MKNK2: variants seen among roughly 807,000 people sequenced by gnomAD.
MKNK2 encodes the protein MAP kinase-interacting serine/threonine-protein kinase 2.
MKNK2 carries 54 observed loss-of-function variants against 55.0 expected under a neutral mutation model. That is an observed-to-expected ratio of 0.98 (90% CI 0.79 to 1.23). MKNK2 has a LOEUF of 1.23. Among genes scored for constraint, MKNK2 ranks in the 50% most tolerant of loss-of-function variants. The pLI is 0.00. For synonymous variants in MKNK2, 323 were observed against 256.0 expected (o/e 1.26, Z -2.50); for missense variants, 685 against 632.1 (o/e 1.08, Z -0.90).
rs187842938 is a variant in MKNK2 at position 2,046,192 on chromosome 19, G to A, written c.333C>T (p.Ala111=). ...GGGCGCGGCGCGGGCCCACCTTGAC[G>A]GCGTACTCCTGGCTGGTGATCAGGT... ...CINLITSQEY[A]VKIIEKQPGH... is the part of the protein sequence containing the mutation. The change falls in exon 5 of 14, where the codon GCC becomes GCT. Residue 111 remains alanine (A), a synonymous_variant. Transcript: ENST00000250896. 140 of 1,608,488 alleles carry A rather than the reference G, an allele frequency of 8.7e-5. No homozygotes were observed. The East Asian group carries it at 1.7e-3, about 20-fold the overall frequency.
chr19:2,050,309 C>T (rs2017087097), intron 2 of MKNK2, among the ~76,000 whole-genome samples: 1 of 152,230 alleles, frequency 6.6e-6, no homozygotes, highest in Admixed American at 6.5e-5. Context: ...ACCTGACCAG[C>T]CCGGCCTGGG....
At chr19:2,049,174 G>A (rs914863513) in intron 2 of MKNK2, among the ~76,000 whole-genome samples, 7 of 152,196 alleles carry the variant, frequency 4.6e-5, no homozygotes, top group East Asian at 3.8e-4. Flanking sequence ...GAGACTCCGC[G>A]GCCTCCTCGC....
intron 5 of MKNK2, among the ~76,000 whole-genome samples, chr19:2,045,829 G>T (rs1044151595): frequency 3.9e-5 from 6 of 152,190 alleles, no homozygotes; most frequent in Non-Finnish European, 7.4e-5. Context: ...GTGACACAGG[G>T]GGCTCTCACG....
At position 2,039,231 on chromosome 19, in the gene MKNK2, G is replaced by A. The variant is rs1327243264; in HGVS notation, c.*382C>T. 1 of 1,075,124 alleles carries A rather than the reference G, an allele frequency of 9.3e-7. No homozygotes were observed. Among genetic ancestry groups the A allele is most frequent in the Non-Finnish European group, 1.1e-6 (1 of 884,586 alleles). The allele number at this position is 1,075,124 out of a possible 1,614,324, so 66.6% of individuals were successfully genotyped here. A position where few individuals can be genotyped will look rare whatever the true frequency, so the allele number is the denominator to read the frequency against. On this transcript the variant is annotated 3_prime_UTR_variant, in exon 14 of 14. Coordinates refer to ENST00000250896, the MANE Select transcript of MKNK2 (RefSeq NM_199054.3). Reference sequence around the variant, plus strand: ...CTCTGCAAGATGGCAAACGCTGTGGGCCTGCTCTCCTGAGTCACTGCAAGC... The same window carrying A: ...CTCTGCAAGATGGCAAACGCTGTGGACCTGCTCTCCTGAGTCACTGCAAGC...
chr19:2,050,955 C>G lies in MKNK2; in HGVS notation c.-96-8G>C. The G allele has an allele frequency of 1.4e-6, 1 of 727,066 alleles. No homozygotes were observed. The highest frequency in any genetic ancestry group is 1.9e-5 in the African/African-American group (1 of 52,770). 45.0% of individuals were successfully genotyped at this position (727,066 alleles called of 1,614,324 possible). ...GCGGCCGAGGAGGGGACCCTGCGGG[C>G]GGGAGCAGACAAAGGGAGGGCGGTG... On this transcript the variant is annotated splice_polypyrimidine_tract_variant and splice_region_variant and intron_variant, in intron 1 of 13. Coordinates refer to ENST00000250896, the MANE Select transcript of MKNK2 (RefSeq NM_199054.3).
At chr19:2,047,059 C>G (rs1349374750) in intron 2 of MKNK2, among the ~76,000 whole-genome samples, 1 of 152,208 alleles carries the variant, frequency 6.6e-6, no homozygotes, top group Non-Finnish European at 1.5e-5. Context: ...CTTGGCCTCC[C>G]AAAGTGCTGG....
chr19:2,039,135 G>GGAAGA lies in MKNK2; in HGVS notation c.*473_*477dup. 1.0e-6 allele frequency: 1 copy of GGAAGA among 991,796 alleles called. No homozygotes were observed. The highest frequency in any genetic ancestry group is 1.2e-6 in the Non-Finnish European group (1 of 833,674). The allele number at this position is 991,796 out of a possible 1,614,324, so 61.4% of individuals were successfully genotyped here. A position where few individuals can be genotyped will look rare whatever the true frequency, so the allele number is the denominator to read the frequency against. On this transcript the variant is annotated 3_prime_UTR_variant, in exon 14 of 14. Coordinates refer to ENST00000250896, the MANE Select transcript of MKNK2 (RefSeq NM_199054.3). ...GTGCTCTCAGGGTGAGGGATAGAGG[G>GGAAGA]GAAGAGCCTGTCCCTGAAATACTGC...
At position 2,039,688 on chromosome 19, in the gene MKNK2, C is replaced by G. The variant is rs2016832189; in HGVS notation, c.1323G>C (p.Gln441His). The change falls in exon 14 of 14, where the codon CAG becomes CAC. Residue 441 changes from glutamine to histidine, a missense_variant. Transcript: ENST00000250896. ...TTTGCCGCCGCTGCGCCAGCTTGGA[C>G]TGGGAGGGTGGAGACAGCTGCAGGC... ...SRCLQLSPPS[Q>H]SKLAQRRQRA... 6.2e-7 allele frequency: 1 copy of G among 1,613,070 alleles called. No individual in the cohort carries two copies. The highest frequency in any genetic ancestry group is 1.3e-5 in the African/African-American group (1 of 74,950).
Position 2,039,085 on chromosome 19 carries a change from C to A in MKNK2, c.*528G>T. The A allele has an allele frequency of 1.0e-6, 1 of 987,062 alleles. No homozygotes were observed. The highest frequency in any genetic ancestry group is 1.2e-6 in the Non-Finnish European group (1 of 830,772). 61.1% of individuals were successfully genotyped at this position (987,062 alleles called of 1,614,324 possible). On this transcript the variant is annotated 3_prime_UTR_variant, in exon 14 of 14. Coordinates refer to ENST00000250896, the MANE Select transcript of MKNK2 (RefSeq NM_199054.3). ...ACACCTCCAGAGACAGGCAGCCCCT[C>A]CCTTCCCCAACCAAGCCACCAGGGG...
In MKNK2 at chr19:2,038,115, G is replaced by GAA; in HGVS notation, c.*1497_*1498insTT. ...AAGGCAGAGCACCCCCACGGCCACC[G>GAA]GACTGTGACCATCATACGAGATTCA... On this transcript the variant is annotated 3_prime_UTR_variant, in exon 14 of 14. Transcript: ENST00000250896. The GAA allele has an allele frequency of 9.1e-7, 1 of 1,095,870 alleles. No individual in the cohort carries two copies. Among genetic ancestry groups the GAA allele is most frequent in the South Asian group, 3.9e-5 (1 of 25,904 alleles). 67.9% of individuals were successfully genotyped at this position (1,095,870 alleles called of 1,614,324 possible).
At chr19:2,050,181 G>T (rs955635643) in intron 2 of MKNK2, among the ~76,000 whole-genome samples, 1 of 152,146 alleles carries the variant, frequency 6.6e-6, no homozygotes, top group South Asian at 2.1e-4. Flanking sequence ...CCCGGGCTGC[G>T]CAGAAACTTC....
chr19:2,044,936 G>A (rs768208730), intron 5 of MKNK2, among the ~76,000 whole-genome samples: 12 of 152,148 alleles, frequency 7.9e-5, no homozygotes, highest in Non-Finnish European at 1.5e-4. Context: ...ACGGCACCAG[G>A]TGACCCCAGG....
Position 2,042,461 on chromosome 19 carries a change from C to T in MKNK2, c.716G>A (p.Cys239Tyr). ...CAGCTCCGGGGTGGAGATAGGGGAG[C>T]AGTCCCCGTTGAGTTTGATGCCGCT... Reference protein sequence around the residue: ...LGSGIKLNGDCSPISTPELLT... With the variant: ...LGSGIKLNGDYSPISTPELLT... The change falls in exon 10 of 14, where the codon TGC becomes TAC. Residue 239 changes from cysteine to tyrosine, a missense_variant. Physicochemically the swap from Cys to Tyr is radical, Grantham distance 194. Transcript: ENST00000250896. 1.3e-6 allele frequency: 2 copies of T among 1,592,058 alleles called. No homozygotes were observed. The highest frequency in any genetic ancestry group is 1.7e-6 in the Non-Finnish European group (2 of 1,170,950).
Position 2,043,575 on chromosome 19 carries a change from T to C in MKNK2, c.347A>G (p.Glu116Gly), listed in dbSNP as rs1408835472. 6.2e-7 allele frequency: 1 copy of C among 1,614,014 alleles called. No homozygotes were observed. The highest frequency in any genetic ancestry group is 8.5e-7 in the Non-Finnish European group (1 of 1,179,966). ...GCTCCGAATGTGGCCTGGCTGCTTC[T>C]CAATGATCTGAAACAGGCGAAAGGA... ...TSQEYAVKII[E>G]KQPGHIRSRV... The change falls in exon 6 of 14, where the codon GAG becomes GGG. Residue 116 changes from glutamate to glycine, a missense_variant. Coordinates refer to ENST00000250896, the MANE Select transcript of MKNK2 (RefSeq NM_199054.3).
At position 2,041,109 on chromosome 19, in the gene MKNK2, C is replaced by G; in HGVS notation, c.1041G>C (p.Lys347Asn). The G allele has an allele frequency of 4.3e-6, 7 of 1,614,084 alleles. No individual in the cohort carries two copies. The South Asian group carries it at 7.7e-5, about 18-fold the overall frequency. The change falls in exon 12 of 14, where the codon AAG becomes AAC. Residue 347 changes from lysine (K) to asparagine (N), a missense_variant. By Grantham distance (94) the Lys-to-Asn change is moderately conservative (BLOSUM62 0). Transcript: ENST00000250896. The part of the protein sequence containing the change: ...ISCAAKDLIS[K>N]LLVRDAKQRL... ...TCTGCTTGGCGTCACGGACCAGCAGCTTGGAGATGAGGTCTTTGGCAGCGC... is the reference window on the plus strand; with the variant it reads ...TCTGCTTGGCGTCACGGACCAGCAGGTTGGAGATGAGGTCTTTGGCAGCGC...
Position 2,043,975 on chromosome 19 carries a change from C to CAAAAA in MKNK2, c.340-398_340-394dup, listed in dbSNP as rs34533507. ...CTGGTGACAGAGTGAGACTTCGCCTCAAAAAAAAAAAAAAAAAAAAAAAAA... is the reference window on the plus strand; with the variant it reads ...CTGGTGACAGAGTGAGACTTCGCCTCAAAAAAAAAAAAAAAAAAAAAAAAAAAAAA... On this transcript the variant is annotated intron_variant, in intron 5 of 13. Transcript: ENST00000250896. Among the ~76,000 whole-genome samples the CAAAAA allele has an allele frequency of 8.4e-5, 2 of 23,848 alleles. 1 individual carries two copies. Among genetic ancestry groups the CAAAAA allele is most frequent in the South Asian group, 4.4e-3 (2 of 450 alleles). 15.6% of individuals were successfully genotyped at this position (23,848 alleles called of 152,430 possible).
At position 2,042,629 on chromosome 19, in the gene MKNK2, A is replaced by ATGTT; in HGVS notation, c.628_631dup (p.Ile211LysfsTer5). The ATGTT allele has an allele frequency of 1.3e-6, 2 of 1,564,830 alleles. No homozygotes were observed. Among genetic ancestry groups the ATGTT allele is most frequent in the Non-Finnish European group, 8.7e-7 (1 of 1,154,294 alleles). ...TACCTGGTTGGGGTGCTCACAGAGGATGTTTTCCGGCTTTAGGTCCCTGTG... is the reference window on the plus strand; with the variant it reads ...TACCTGGTTGGGGTGCTCACAGAGGATGTTTGTTTTCCGGCTTTAGGTCCCTGTG... On this transcript the variant is annotated frameshift_variant, in exon 9 of 14. Transcript: ENST00000250896. LOFTEE classifies it high-confidence loss of function.
At chr19:2,046,320 G>T in intron 4 of MKNK2, 37 bp from the exon 5 acceptor site, 1 of 1,603,346 alleles carries the variant, frequency 6.2e-7, no homozygotes, top group Non-Finnish European at 8.5e-7. Context: ...AGGGACCCTG[G>T]CTTTTCCCCG....
chr19:2,046,084 C>G, intron 5 of MKNK2, 102 bp downstream of exon 5: 1 of 1,219,752 alleles, frequency 8.2e-7, no homozygotes, highest in Non-Finnish European at 1.2e-6. Context: ...CACGGGTCTT[C>G]CCGGCTGTAG....
Sources: gnomAD v4.1 joint callset for allele counts (sites outside exome capture counted in the v4.1 genomes callset) on GRCh38, gnomAD v4.1.1 for gene constraint, MANE v1.5 for transcripts, NCBI Gene and HGNC (gene_info 2026-07-23, HGNC 2026-07-21) for gene names.